Variants in EPB41L5 observed in about 807,000 individuals in gnomAD.
The protein encoded by EPB41L5 is band 4.1-like protein 5.
A neutral mutation model predicts 106.6 loss-of-function variants in EPB41L5; 55 were observed. The observed-to-expected ratio is 0.52, with a 90% CI of 0.42 to 0.65. The LOEUF (loss-of-function observed/expected upper bound fraction) is 0.65. EPB41L5 is among the 30% of genes least tolerant of loss of function. The pLI, the probability that EPB41L5 is intolerant of heterozygous loss-of-function variation, is 0.00. For missense variants in EPB41L5, 871 were observed against 882.1 expected (o/e 0.99, Z 0.16); for synonymous variants, 297 against 306.7 (o/e 0.97, Z 0.33).
rs1022947372 is a variant in EPB41L5, at chr2:120,029,778, A to G, written c.180+10514A>G. Among the ~76,000 whole-genome samples the G allele has an allele frequency of 1.9e-4, 29 of 152,302 alleles. 1 individual carries two copies. Among genetic ancestry groups the G allele is most frequent in the Middle Eastern group, 6.8e-3 (2 of 294 alleles). ...TCCATTTAAATGCTATACTAAAACT[A>G]TAGATAAAAATACTACCGCCTTTGT... On this transcript the variant is annotated intron_variant, in intron 2 of 24. Coordinates refer to ENST00000263713, the MANE Select transcript of EPB41L5 (RefSeq NM_020909.4).
At position 120,043,975 on chromosome 2, in the gene EPB41L5, T is replaced by C. The variant is rs577775251; in HGVS notation, c.285+1865T>C. Among the ~76,000 whole-genome samples, 43 of 151,952 alleles carry C rather than the reference T, an allele frequency of 2.8e-4. No individual in the cohort carries two copies. The South Asian group carries it at 9.0e-3, about 32-fold the overall frequency. ...CAGCCTAGGCAATATTGCAAGACCC[T>C]GTCTCTACAAAAATAAAAAAATTAG... On this transcript the variant is annotated intron_variant, in intron 3 of 24. Transcript: ENST00000263713.
intron 16 of EPB41L5, among the ~76,000 whole-genome samples, chr2:120,122,308 G>T (rs1335510741): frequency 6.6e-6 from 1 of 152,074 alleles, no homozygotes; most frequent in African/African-American, 2.4e-5. Context: ...TATGGTTTTA[G>T]GTCTAACGTT....
intron 16 of EPB41L5, among the ~76,000 whole-genome samples, chr2:120,110,837 T>A (rs1246589928): frequency 1.3e-5 from 2 of 152,002 alleles, no homozygotes; most frequent in Non-Finnish European, 2.9e-5. Context: ...GGCTTCACCA[T>A]GTTGGCCAGG....
chr2:120,039,753 A>G lies in EPB41L5; in HGVS notation c.181-2253A>G, dbSNP rs55758127. On this transcript the variant is annotated intron_variant, in intron 2 of 24. Transcript: ENST00000263713. Reference sequence around the variant, plus strand: ...GGCAGGAGAATTGCTTGAACCCAGGAAGCGGAGGTTTCAGTGAGCTGAGAT... The same window carrying G: ...GGCAGGAGAATTGCTTGAACCCAGGGAGCGGAGGTTTCAGTGAGCTGAGAT... 5.2e-3 allele frequency among the ~76,000 whole-genome samples: 790 copies of G among 151,874 alleles called. 4 individuals carry two copies. The highest frequency in any genetic ancestry group is 0.018 in the African/African-American group (760 of 41,374).
chr2:120,014,658 G>A (rs1677388788), intron 1 of EPB41L5, among the ~76,000 whole-genome samples: 2 of 152,134 alleles, frequency 1.3e-5, no homozygotes. Context: ...ATGGGAGCGG[G>A]TGGAAGAGAG....
intron 3 of EPB41L5, among the ~76,000 whole-genome samples, chr2:120,063,018 A>T (rs1387278280): frequency 2.6e-5 from 4 of 152,122 alleles, no homozygotes; most frequent in Non-Finnish European, 1.5e-5. Flanking sequence ...GTTCGACTAT[A>T]TTGTAAATAG....
intron 16 of EPB41L5, among the ~76,000 whole-genome samples, chr2:120,117,998 T>G (rs933817015): frequency 6.6e-6 from 1 of 152,248 alleles, no homozygotes; most frequent in Non-Finnish European, 1.5e-5. Context: ...AGTATTTTTC[T>G]GTGCGAAAGT....
In EPB41L5 at chr2:120,047,146, T is replaced by G. The variant is rs185658135; in HGVS notation, c.285+5036T>G. Among the ~76,000 whole-genome samples, 207 of 152,354 alleles carry G rather than the reference T, an allele frequency of 1.4e-3. 1 individual carries two copies. The highest frequency in any genetic ancestry group is 4.6e-3 in the African/African-American group (193 of 41,584). On this transcript the variant is annotated intron_variant, in intron 3 of 24. Transcript: ENST00000263713. ...TTAGGATTGTCTTGGCTATATGGGC[T>G]CTTTTTTGGTTCCGTATGAACTTTA...
intron 14 of EPB41L5, among the ~76,000 whole-genome samples, chr2:120,099,491 G>A (rs1196947449): frequency 6.6e-6 from 1 of 151,560 alleles, no homozygotes; most frequent in Admixed American, 6.6e-5. Flanking sequence ...GCAGTGGCAC[G>A]ATCTCAGCTC....
intron 18 of EPB41L5, among the ~76,000 whole-genome samples, chr2:120,141,087 A>G (rs1344932820): frequency 6.6e-6 from 1 of 152,104 alleles, no homozygotes. Context: ...TTGTAGAGAG[A>G]TCACATCCGG....
chr2:120,077,888 A>T (rs943558563), intron 9 of EPB41L5, among the ~76,000 whole-genome samples: 1 of 152,088 alleles, frequency 6.6e-6, no homozygotes, highest in African/African-American at 2.4e-5. Flanking sequence ...TCTCCCTCTC[A>T]GGAGGCCTCA....
chr2:120,088,014 TATGCAAATTA>T (rs1358155280), intron 11 of EPB41L5, among the ~76,000 whole-genome samples: 1 of 152,184 alleles, frequency 6.6e-6, no homozygotes, highest in Non-Finnish European at 1.5e-5. Context: ...AATTTTACTT[TATGCAAATTA>T]ATAAATTTTA....
intron 11 of EPB41L5, among the ~76,000 whole-genome samples, chr2:120,088,487 TAACTG>T (rs1381136235): frequency 6.6e-6 from 1 of 152,090 alleles, no homozygotes; most frequent in Non-Finnish European, 1.5e-5. Flanking sequence ...AACTGAAAGA[TAACTG>T]GACTTAATAC....
intron 5 of EPB41L5, among the ~76,000 whole-genome samples, chr2:120,074,791 T>C (rs1682115367): frequency 6.6e-6 from 1 of 152,156 alleles, no homozygotes; most frequent in South Asian, 2.1e-4. Flanking sequence ...ACCTTGACAA[T>C]GAGATAGTAG....
At chr2:120,147,361 G>T (rs1367398399) in intron 20 of EPB41L5, among the ~76,000 whole-genome samples, 2 of 151,936 alleles carry the variant, frequency 1.3e-5, no homozygotes, top group East Asian at 1.9e-4. Context: ...TTTCTAAGGG[G>T]CCAGGCCGTG....
chr2:120,029,791 C>T (rs1415091761), intron 2 of EPB41L5, among the ~76,000 whole-genome samples: 1 of 152,164 alleles, frequency 6.6e-6, no homozygotes, highest in Non-Finnish European at 1.5e-5. Context: ...GATAAAAATA[C>T]TACCGCCTTT....
chr2:120,117,276 T>A (rs748407344), intron 16 of EPB41L5, among the ~76,000 whole-genome samples: 1 of 152,186 alleles, frequency 6.6e-6, no homozygotes, highest in African/African-American at 2.4e-5. Context: ...TTGGTTAATA[T>A]GTGCTAAACA....
intron 10 of EPB41L5, among the ~76,000 whole-genome samples, chr2:120,086,177 T>C (rs1683041922): frequency 6.6e-6 from 1 of 152,272 alleles, no homozygotes; most frequent in African/African-American, 2.4e-5. Flanking sequence ...CTCCAGCCTT[T>C]GTGACAGAGT....
intron 18 of EPB41L5, among the ~76,000 whole-genome samples, chr2:120,137,987 T>C (rs941342374): frequency 1.3e-5 from 2 of 151,956 alleles, no homozygotes; most frequent in African/African-American, 4.8e-5. Context: ...CAACAACATA[T>C]TAAAAAGATA....
Sources: gnomAD v4.1 joint callset for allele counts (sites outside exome capture counted in the v4.1 genomes callset) on GRCh38, gnomAD v4.1.1 for gene constraint, MANE v1.5 for transcripts, NCBI Gene and HGNC (gene_info 2026-07-23, HGNC 2026-07-21) for gene names.